Variants in H6PD observed in about 807,000 individuals in gnomAD.
H6PD encodes the protein hexose-6-phosphate dehydrogenase/glucose 1-dehydrogenase, also known as GDH/6PGL endoplasmic bifunctional protein.
In H6PD, 48 loss-of-function variants were observed where a neutral mutation model predicts 61.2. The ratio of observed to expected loss-of-function variants is 0.78; its 90% confidence interval spans 0.62 to 1.00. H6PD has a LOEUF of 1.00. Among genes scored for constraint, H6PD ranks in the 50% least tolerant of loss-of-function variants. H6PD has a pLI of 0.00. For synonymous variants in H6PD, 480 were observed against 457.9 expected (o/e 1.05, Z -0.62); for missense variants, 1,093 against 1,065.0 (o/e 1.03, Z -0.37).
intron 3 of H6PD, among the ~76,000 whole-genome samples, chr1:9,258,591 A>G (rs1641601141): frequency 6.6e-6 from 1 of 151,326 alleles, no homozygotes; most frequent in Non-Finnish European, 1.5e-5. Context: ...CTGGTGTTGT[A>G]ACATTGCTGT....
At chr1:9,242,744 G>A (rs1028597531) in intron 1 of H6PD, 1 of 985,348 alleles carries the variant, frequency 1.0e-6, no homozygotes, top group African/African-American at 1.7e-5. Context: ...CAGAGCCCTG[G>A]CTACCAGGAT....
At position 9,265,013 on chromosome 1, in the gene H6PD, C is replaced by G. The variant is rs569755376; in HGVS notation, c.*144C>G. On this transcript the variant is annotated 3_prime_UTR_variant, in exon 5 of 5. Transcript: ENST00000377403. ...CAGTCAGGCCCCAGAGAGGGCAGGA[C>G]AAGCCTTGTCCCGATGCCTTTGACC... The G allele has an allele frequency of 1.3e-4, 114 of 854,310 alleles. No homozygotes were observed. The African/African-American group carries it at 1.7e-3, about 13-fold the overall frequency. 52.9% of individuals were successfully genotyped at this position (854,310 alleles called of 1,614,324 possible).
chr1:9,246,836 GA>G lies in H6PD; in HGVS notation c.628-128del. The stretch of plus-strand genomic sequence containing the variant: ...CTGGCCTGTGAGATCGTGAAGTCCA[GA>G]ACTACTGCTCAGAGGGCATCTTCTG... On this transcript the variant is annotated intron_variant, in intron 2 of 4. Transcript: ENST00000377403. The G allele has an allele frequency of 7.8e-6, 6 of 771,290 alleles. No homozygotes were observed. In the South Asian group the frequency reaches 8.2e-5, roughly 11 times the overall value. 47.8% of individuals were successfully genotyped at this position (771,290 alleles called of 1,614,324 possible). A position where few individuals can be genotyped will look rare whatever the true frequency, so the allele number is the denominator to read the frequency against.
At chr1:9,263,413 G>C in intron 4 of H6PD, 96 bp from the exon 5 acceptor site, 2 of 1,111,190 alleles carry the variant, frequency 1.8e-6, no homozygotes, top group Non-Finnish European at 1.3e-6. Context: ...CCTGAGGCAG[G>C]GGGACGCCCA....
chr1:9,270,947 C>CTTTTTTTTTTTTTTTTTTTTTTTT lies in H6PD; in HGVS notation c.*6090_*6091insTTTTTTTTTTTTTTTTTTTTTTTT. 7.1e-6 allele frequency: 1 copy of CTTTTTTTTTTTTTTTTTTTTTTTT among 140,110 alleles called. No homozygotes were observed. Among genetic ancestry groups the CTTTTTTTTTTTTTTTTTTTTTTTT allele is most frequent in the Non-Finnish European group, 1.5e-5 (1 of 65,082 alleles). 8.7% of individuals were successfully genotyped at this position (140,110 alleles called of 1,614,324 possible). On this transcript the variant is annotated 3_prime_UTR_variant, in exon 5 of 5. Coordinates refer to ENST00000377403, the MANE Select transcript of H6PD (RefSeq NM_004285.4). ...TGATGAGGCACATTCAGAACAAATG[C>CTTTTTTTTTTTTTTTTTTTTTTTT]TTTTTTTTTTTTGAGACAGAGTCTC...
chr1:9,263,671 G>T lies in H6PD; in HGVS notation c.1178G>T (p.Cys393Phe), dbSNP rs147080717. The T allele has an allele frequency of 6.0e-5, 97 of 1,614,064 alleles. No individual in the cohort carries two copies. The African/African-American group carries it at 7.7e-4, about 13-fold the overall frequency. Residue 393 changes from cysteine to phenylalanine, a missense_variant, in exon 5 of 5, where the codon TGC becomes TTC. Physicochemically the swap from Cys to Phe is radical, Grantham distance 205. Coordinates refer to ENST00000377403, the MANE Select transcript of H6PD (RefSeq NM_004285.4). ...CACTGGGCCGCGGCGCAGAGCCAGTGCCTGCCCCGGCAGCTCGTCTTCCAC... is the reference window on the plus strand; with the variant it reads ...CACTGGGCCGCGGCGCAGAGCCAGTTCCTGCCCCGGCAGCTCGTCTTCCAC... Reference protein sequence around the residue: ...EKHWAAAQSQCLPRQLVFHIG... With the variant: ...EKHWAAAQSQFLPRQLVFHIG...
At chr1:9,261,157 C>T (rs1297468926) in intron 3 of H6PD, among the ~76,000 whole-genome samples, 3 of 152,282 alleles carry the variant, frequency 2.0e-5, no homozygotes, top group South Asian at 2.1e-4. Context: ...GACCAGGGGT[C>T]GATCCCCAAT....
chr1:9,239,980 G>A (rs1377273298), intron 1 of H6PD: 26 of 1,231,302 alleles, frequency 2.1e-5, no homozygotes, highest in Non-Finnish European at 2.5e-5. Flanking sequence ...AAACCCCCTG[G>A]CCCCCACCTT....
chr1:9,259,119 G>A (rs1641627347), intron 3 of H6PD, among the ~76,000 whole-genome samples: 1 of 152,200 alleles, frequency 6.6e-6, no homozygotes, highest in African/African-American at 2.4e-5. Flanking sequence ...AGCCTCCCAA[G>A]TAGCTGGGAC....
chr1:9,241,449 G>A (rs1358796637), intron 1 of H6PD, among the ~76,000 whole-genome samples: 1 of 152,110 alleles, frequency 6.6e-6, no homozygotes, highest in Non-Finnish European at 1.5e-5. Context: ...CTGTCACCAG[G>A]CTGGAGTGCA....
intron 3 of H6PD, among the ~76,000 whole-genome samples, chr1:9,257,318 C>T (rs1189841779): frequency 6.6e-6 from 1 of 151,568 alleles, no homozygotes; most frequent in Non-Finnish European, 1.5e-5. Context: ...TTTGTAGAAA[C>T]AGGGTCTCAC....
intron 3 of H6PD, among the ~76,000 whole-genome samples, chr1:9,256,329 T>C (rs997752400): frequency 1.3e-5 from 2 of 152,210 alleles, no homozygotes; most frequent in African/African-American, 4.8e-5. Context: ...CCTGCTCATT[T>C]CAAGGTTTAG....
rs1435835197 is a variant in H6PD at position 9,264,443 on chromosome 1, C to T, written c.1950C>T (p.Asn650=). 3.7e-6 allele frequency: 6 copies of T among 1,613,268 alleles called. No individual in the cohort carries two copies. Among genetic ancestry groups the T allele is most frequent in the Non-Finnish European group, 1.7e-6 (2 of 1,179,980 alleles). ...LLQHVRIPYY[N]IHPMPVHLQQ... is the part of the protein sequence containing the mutation. ...AGCACGTCCGGATCCCCTACTACAA[C>T]ATCCACCCCATGCCTGTGCACCTGC... Residue 650 remains asparagine (N), a synonymous_variant, in exon 5 of 5, where the codon AAC becomes AAT. Coordinates refer to ENST00000377403, the MANE Select transcript of H6PD (RefSeq NM_004285.4).
rs748427201 is a variant in H6PD, at chr1:9,244,885, A to G, written c.-10-40A>G. ...ATCGTAGCCACCTGAACCATGTCTGATCCTTCCTTGTTCCTCGTCTGTCTC... is the reference window on the plus strand; with the variant it reads ...ATCGTAGCCACCTGAACCATGTCTGGTCCTTCCTTGTTCCTCGTCTGTCTC... On this transcript the variant is annotated intron_variant, in intron 1 of 4. Transcript: ENST00000377403. 6.3e-6 allele frequency: 10 copies of G among 1,599,340 alleles called. No individual in the cohort carries two copies. The South Asian group carries it at 1.1e-4, about 18-fold the overall frequency.
intron 1 of H6PD, among the ~76,000 whole-genome samples, chr1:9,236,189 C>A (rs986325487): frequency 6.6e-6 from 1 of 152,140 alleles, no homozygotes; most frequent in African/African-American, 2.4e-5. Context: ...CAGGGTTTCA[C>A]TATGTTATCC....
chr1:9,244,701 T>G (rs890164433), intron 1 of H6PD, among the ~76,000 whole-genome samples: 51 of 152,224 alleles, frequency 3.4e-4, no homozygotes, highest in African/African-American at 1.2e-3. Flanking sequence ...TCTCTAACTT[T>G]CCCAGGCAGA....
intron 1 of H6PD, 137 bp from the exon 2 acceptor site, chr1:9,244,788 G>A: frequency 3.6e-6 from 3 of 822,368 alleles, no homozygotes; most frequent in South Asian, 1.4e-5. Flanking sequence ...GGAGGGACAA[G>A]CTGTGGGCTT....
chr1:9,253,144 A>G (rs80172285), intron 3 of H6PD, among the ~76,000 whole-genome samples: 6,017 of 152,278 alleles, frequency 0.04, 394 homozygotes, highest in African/African-American at 0.14. Flanking sequence ...CCACAGTCCC[A>G]GTCACTGCAT....
Position 9,263,990 on chromosome 1 carries a change from C to A in H6PD, c.1497C>A (p.Arg499=), listed in dbSNP as rs777296240. 5.1e-5 allele frequency: 82 copies of A among 1,614,126 alleles called. No individual in the cohort carries two copies. The highest frequency in any genetic ancestry group is 8.5e-6 in the Non-Finnish European group (10 of 1,180,046). ...LLESLAHKAP[R]LYPGGAENGR... is the part of the protein sequence containing the mutation. Reference sequence around the variant, plus strand: ...AGAGCCTGGCCCATAAGGCCCCACGCCTCTACCCTGGAGGAGCTGAGAATG... The same window carrying A: ...AGAGCCTGGCCCATAAGGCCCCACGACTCTACCCTGGAGGAGCTGAGAATG... Residue 499 remains arginine (R), a synonymous_variant, in exon 5 of 5, where the codon CGC becomes CGA. Coordinates refer to ENST00000377403, the MANE Select transcript of H6PD (RefSeq NM_004285.4).
Sources: gnomAD v4.1 joint callset for allele counts (sites outside exome capture counted in the v4.1 genomes callset) on GRCh38, gnomAD v4.1.1 for gene constraint, MANE v1.5 for transcripts, NCBI Gene and HGNC (gene_info 2026-07-23, HGNC 2026-07-21) for gene names.